The following RPSA2 variants were observed in gnomAD, a reference collection of about 807,000 sequenced individuals.
RPSA2 encodes small ribosomal subunit protein uS2B.
the RPSA2 span, among the ~76,000 whole-genome samples, chr19:23,787,247 T>C: frequency 2.3e-4 from 35 of 152,272 alleles, no homozygotes; most frequent in Non-Finnish European, 3.8e-4. Context: ...GACATATTAC[T>C]GGGTGTGACA....
At chr19:23,825,329 A>AT in the RPSA2 span, among the ~76,000 whole-genome samples, 1 of 152,166 alleles carries the variant, frequency 6.6e-6, no homozygotes, top group South Asian at 2.1e-4. Context: ...GCCACCACAC[A>AT]TTCATTAATT....
the RPSA2 span, among the ~76,000 whole-genome samples, chr19:23,802,811 A>G: frequency 6.6e-6 from 1 of 152,248 alleles, no homozygotes; most frequent in Non-Finnish European, 1.5e-5. Context: ...TTAATTATGC[A>G]TCATATGGTG....
chr19:23,863,064 G>T, the RPSA2 span, among the ~76,000 whole-genome samples: 1 of 152,054 alleles, frequency 6.6e-6, no homozygotes, highest in East Asian at 1.9e-4. Context: ...ATAACTGTTA[G>T]ATCTTAAGAC....
At chr19:23,817,839 A>C in the RPSA2 span, 1 of 152,216 alleles carries the variant, frequency 6.6e-6, no homozygotes, top group African/African-American at 2.4e-5. Context: ...TTATCAAACT[A>C]AAGCAGGCCT....
chr19:23,809,620 A>G, the RPSA2 span: 1 of 152,034 alleles, frequency 6.6e-6, no homozygotes, highest in Non-Finnish European at 1.5e-5. Context: ...GCTATTGTAA[A>G]TAAGATTTTT....
At chr19:23,832,464 G>T in the RPSA2 span, 8 of 490,724 alleles carry the variant, frequency 1.6e-5, no homozygotes, top group Non-Finnish European at 2.8e-5. Context: ...ACACTGGAGA[G>T]AAACCCAACA....
At chr19:23,787,662 C>G in the RPSA2 span, among the ~76,000 whole-genome samples, 2 of 152,022 alleles carry the variant, frequency 1.3e-5, no homozygotes, top group African/African-American at 2.4e-5. Context: ...TGCACCAATC[C>G]CAAAGGTGAT....
chr19:23,856,080 T>A, the RPSA2 span, among the ~76,000 whole-genome samples: 1 of 151,588 alleles, frequency 6.6e-6, no homozygotes, highest in Non-Finnish European at 1.5e-5. Context: ...GAGGAGTAGG[T>A]GAAGGGAGAC....
the RPSA2 span, among the ~76,000 whole-genome samples, chr19:23,843,849 T>C: frequency 6.8e-3 from 1,037 of 152,312 alleles, 17 homozygotes; most frequent in African/African-American, 0.024. Context: ...AATCTTTGCC[T>C]CCTGGGTTCA....
the RPSA2 span, among the ~76,000 whole-genome samples, chr19:23,793,511 A>G: frequency 6.6e-6 from 1 of 151,832 alleles, no homozygotes; most frequent in African/African-American, 2.4e-5. Flanking sequence ...GCTGAAGTGC[A>G]GTGGCATGAT....
chr19:23,846,261 T>C, the RPSA2 span, among the ~76,000 whole-genome samples: 1 of 152,190 alleles, frequency 6.6e-6, no homozygotes, highest in African/African-American at 2.4e-5. Context: ...TTTTTTCTTA[T>C]TCATTTCATA....
chr19:23,795,323 ATT>A, the RPSA2 span, among the ~76,000 whole-genome samples: 1 of 151,380 alleles, frequency 6.6e-6, no homozygotes, highest in Non-Finnish European at 1.5e-5. Context: ...GTTGTTTTCC[ATT>A]TGTTTGTGCC....
the RPSA2 span, among the ~76,000 whole-genome samples, chr19:23,771,322 CAT>C: frequency 6.6e-6 from 1 of 152,208 alleles, no homozygotes; most frequent in Admixed American, 6.5e-5. Context: ...AGATTCAGCA[CAT>C]GTGTGAGTTG....
the RPSA2 span, among the ~76,000 whole-genome samples, chr19:23,859,206 G>A: frequency 6.6e-6 from 1 of 152,154 alleles, no homozygotes; most frequent in African/African-American, 2.4e-5. Context: ...AAAGGCCACT[G>A]ATGCAAAGTG....
chr19:23,772,719 G>A, the RPSA2 span, among the ~76,000 whole-genome samples: 3 of 152,172 alleles, frequency 2.0e-5, no homozygotes, highest in Admixed American at 1.3e-4. Context: ...AGAGCCCATT[G>A]CTGAGGTCTT....
chr19:23,814,149 T>C, the RPSA2 span, among the ~76,000 whole-genome samples: 4 of 149,714 alleles, frequency 2.7e-5, no homozygotes, highest in Non-Finnish European at 3.0e-5. Flanking sequence ...AAGGCGGAGG[T>C]TGCAGCAAGC....
the RPSA2 span, among the ~76,000 whole-genome samples, chr19:23,811,560 T>C: frequency 2.6e-5 from 4 of 152,120 alleles, no homozygotes; most frequent in Non-Finnish European, 4.4e-5. Context: ...ATATAAATTT[T>C]TACTTTATTT....
chr19:23,857,689 G>C, the RPSA2 span, among the ~76,000 whole-genome samples: 2 of 151,578 alleles, frequency 1.3e-5, no homozygotes, highest in African/African-American at 4.8e-5. Flanking sequence ...TAGAGACAGG[G>C]TTTCACCATA....
the RPSA2 span, among the ~76,000 whole-genome samples, chr19:23,858,172 T>C: frequency 2.7e-5 from 4 of 150,034 alleles, 1 homozygote; most frequent in African/African-American, 9.8e-5. Context: ...TGATTTTTAA[T>C]TCTAAGTCTC....
Sources: allele counts gnomAD v4.1 joint callset (sites outside exome capture counted in the v4.1 genomes callset), GRCh38; gene constraint gnomAD v4.1.1; transcripts MANE v1.5; gene names NCBI Gene and HGNC (gene_info 2026-07-23, HGNC 2026-07-21).